Variants in SNX19 observed in about 807,000 individuals in gnomAD.
SNX19 encodes sorting nexin-19.
SNX19 carries 60 observed loss-of-function variants against 85.2 expected under a neutral mutation model. The ratio of observed to expected loss-of-function variants is 0.70; its 90% confidence interval spans 0.57 to 0.87. The LOEUF is 0.87. Ranked by LOEUF, SNX19 falls within the 40% of genes least tolerant of loss-of-function variation. SNX19 has a pLI of 0.00. For synonymous variants in SNX19, 520 were observed against 470.0 expected, an observed-to-expected ratio of 1.11 and a Z score of -1.38; for missense variants, 1,201 against 1,217.8, an observed-to-expected ratio of 0.99 and a Z score of 0.21.
At chr11:130,886,396 T>C (rs1944073386) in intron 8 of SNX19, among the ~76,000 whole-genome samples, 1 of 152,160 alleles carries the variant, frequency 6.6e-6, no homozygotes, top group African/African-American at 2.4e-5. Context: ...TTACTGTAGG[T>C]TGAAGTTTTA....
intron 8 of SNX19, among the ~76,000 whole-genome samples, chr11:130,895,811 A>G (rs6590531): frequency 0.62 from 93,958 of 151,796 alleles, 29,597 homozygotes; most frequent in South Asian, 0.8. Context: ...AGAGACTGTC[A>G]CTATGTGACA....
At chr11:130,888,268 ACTC>A (rs1489387906) in intron 8 of SNX19, among the ~76,000 whole-genome samples, 1 of 152,134 alleles carries the variant, frequency 6.6e-6, no homozygotes, top group African/African-American at 2.4e-5. Context: ...AGTTTTAACT[ACTC>A]CTCTAAGATT....
intron 8 of SNX19, among the ~76,000 whole-genome samples, chr11:130,891,809 T>C (rs185039731): frequency 5.4e-4 from 82 of 152,030 alleles, no homozygotes; most frequent in Admixed American, 1.8e-3. Flanking sequence ...TATTTGAGTA[T>C]TGTGACATGT....
chr11:130,881,997 C>T (rs1278312434), intron 8 of SNX19, among the ~76,000 whole-genome samples: 2 of 152,140 alleles, frequency 1.3e-5, no homozygotes, highest in African/African-American at 4.8e-5. Context: ...GAAAAATTTT[C>T]CCTTTGTCTT....
intron 8 of SNX19, among the ~76,000 whole-genome samples, chr11:130,897,621 C>T (rs1324392240): frequency 6.6e-6 from 1 of 152,142 alleles, no homozygotes; most frequent in Non-Finnish European, 1.5e-5. Flanking sequence ...CTTCACTTTC[C>T]ATCAGGACTC....
chr11:130,894,655 T>G, intron 8 of SNX19: 2 of 985,460 alleles, frequency 2.0e-6, no homozygotes, highest in South Asian at 9.4e-5. Flanking sequence ...AGCAGTTTGG[T>G]AGGCTTTTTG....
intron 7 of SNX19, among the ~76,000 whole-genome samples, chr11:130,905,332 T>C (rs1416563215): frequency 1.4e-5 from 2 of 140,236 alleles, no homozygotes; most frequent in Non-Finnish European, 3.1e-5. Flanking sequence ...TAAATAAAGA[T>C]AAAAAGAATA....
chr11:130,887,604 T>TCTTAAAC (rs1165766281), intron 8 of SNX19, among the ~76,000 whole-genome samples: 1 of 152,208 alleles, frequency 6.6e-6, no homozygotes, highest in Admixed American at 6.5e-5. Flanking sequence ...TGAAGATGCT[T>TCTTAAAC]CTTAAACCTT....
At chr11:130,897,484 G>A (rs1030316834) in intron 8 of SNX19, among the ~76,000 whole-genome samples, 2 of 152,154 alleles carry the variant, frequency 1.3e-5, no homozygotes, top group Admixed American at 6.5e-5. Flanking sequence ...TGATGCCATC[G>A]TTGGGGCCAT....
intron 8 of SNX19, chr11:130,895,289 A>G: frequency 1.0e-6 from 1 of 976,516 alleles, no homozygotes; most frequent in Non-Finnish European, 1.2e-6. Flanking sequence ...CCCTGTGTGG[A>G]GGGAATGAAA....
intron 10 of SNX19, 108 bp downstream of exon 10, chr11:130,879,516 C>T (rs112963062): frequency 8.6e-6 from 8 of 928,478 alleles, no homozygotes; most frequent in African/African-American, 8.3e-5. Flanking sequence ...GTAAAGACTA[C>T]AATCCTATTC....
chr11:130,911,402 T>C, intron 2 of SNX19: 1 of 1,282,632 alleles, frequency 7.8e-7, no homozygotes, highest in Non-Finnish European at 9.9e-7. Flanking sequence ...TTTTTTAATC[T>C]TAAACTAGAT....
At chr11:130,880,882 T>G in intron 8 of SNX19, 76 bp from the exon 9 acceptor site, 1 of 1,258,382 alleles carries the variant, frequency 7.9e-7, no homozygotes. Flanking sequence ...TGACTGTTTA[T>G]GTTCCCCTGC....
At chr11:130,880,505 T>G (rs373874599) in intron 9 of SNX19, 117 bp downstream of exon 9, 1 of 911,204 alleles carries the variant, frequency 1.1e-6, no homozygotes, top group African/African-American at 1.6e-5. Flanking sequence ...AACAGAGTTT[T>G]GAATCTAGCC....
chr11:130,902,605 C>A (rs1049308499), intron 8 of SNX19, among the ~76,000 whole-genome samples: 12 of 152,072 alleles, frequency 7.9e-5, no homozygotes, highest in African/African-American at 2.9e-4. Flanking sequence ...GTGTTTCTGG[C>A]CTACTTCAGG....
chr11:130,914,809 C>A lies in SNX19; in HGVS notation c.1131G>T (p.Leu377=). ...LCEDSELESP[L]SELGKETIML... is the part of the protein sequence containing the mutation. Reference sequence around the variant, plus strand: ...TGATGGTTTCTTTGCCCAGTTCAGACAGCGGAGACTCCAGCTCTGAGTCTT... The same window carrying A: ...TGATGGTTTCTTTGCCCAGTTCAGAAAGCGGAGACTCCAGCTCTGAGTCTT... The change falls in exon 1 of 11, where the codon CTG becomes CTT. Residue 377 remains leucine (L), a synonymous_variant. Coordinates refer to ENST00000265909, the MANE Select transcript of SNX19 (RefSeq NM_014758.3). 6.2e-7 allele frequency: 1 copy of A among 1,614,242 alleles called. No homozygotes were observed. The highest frequency in any genetic ancestry group is 8.5e-7 in the Non-Finnish European group (1 of 1,180,050).
chr11:130,905,397 T>C (rs1343199252), intron 7 of SNX19, among the ~76,000 whole-genome samples: 2 of 152,226 alleles, frequency 1.3e-5, no homozygotes, highest in Non-Finnish European at 2.9e-5. Context: ...TCAGTTGCCC[T>C]GTGGTATATC....
intron 1 of SNX19, 152 bp from the exon 2 acceptor site, chr11:130,911,923 C>A: frequency 1.4e-6 from 1 of 706,600 alleles, no homozygotes; most frequent in Non-Finnish European, 2.3e-6. Flanking sequence ...TCCAGAACCT[C>A]CTATATCTAA....
At chr11:130,881,366 A>C (rs2155750) in intron 8 of SNX19, among the ~76,000 whole-genome samples, 67,861 of 151,936 alleles carry the variant, frequency 0.45, 15,385 homozygotes, top group South Asian at 0.57. Flanking sequence ...ACTATGTGCC[A>C]TCTACCGTAC....
Sources: allele counts gnomAD v4.1 joint callset (sites outside exome capture counted in the v4.1 genomes callset), GRCh38; gene constraint gnomAD v4.1.1; transcripts MANE v1.5; gene names NCBI Gene and HGNC (gene_info 2026-07-23, HGNC 2026-07-21).